Variants in MYO5B observed in about 807,000 individuals in gnomAD.
MYO5B encodes myosin VB.
Under a neutral mutation model 229.3 loss-of-function variants are expected in MYO5B, and 143 were observed. The ratio of observed to expected loss-of-function variants is 0.62; its 90% confidence interval spans 0.54 to 0.72. MYO5B has a LOEUF of 0.72. Ranked by LOEUF, MYO5B falls within the 30% of genes least tolerant of loss-of-function variation. MYO5B has a pLI of 0.00. For missense variants in MYO5B, 2,321 were observed against 2,331.0 expected, an observed-to-expected ratio of 1.00 and a Z score of 0.09; for synonymous variants, 918 against 885.2, an observed-to-expected ratio of 1.04 and a Z score of -0.66.
chr18:49,885,510 T>C (rs1568626314), intron 22 of MYO5B, among the ~76,000 whole-genome samples: 2 of 152,134 alleles, frequency 1.3e-5, no homozygotes. Flanking sequence ...CCTAGGGATA[T>C]GGACTAAACC....
At chr18:50,103,100 C>T (rs2031686498) in intron 1 of MYO5B, among the ~76,000 whole-genome samples, 1 of 152,258 alleles carries the variant, frequency 6.6e-6, no homozygotes, top group Non-Finnish European at 1.5e-5. Context: ...TGGCTACAGG[C>T]TCACCTTGGG....
intron 2 of MYO5B, among the ~76,000 whole-genome samples, chr18:50,040,746 T>C (rs2029989233): frequency 6.6e-6 from 1 of 152,208 alleles, no homozygotes; most frequent in Admixed American, 6.5e-5. Flanking sequence ...AACTGCCCTC[T>C]ATAAGCGGCC....
intron 5 of MYO5B, among the ~76,000 whole-genome samples, chr18:49,994,131 T>C (rs1301570080): frequency 6.6e-6 from 1 of 152,174 alleles, no homozygotes; most frequent in Non-Finnish European, 1.5e-5. Flanking sequence ...CAAGCAAGCC[T>C]TCCCTGATCC....
intron 39 of MYO5B, among the ~76,000 whole-genome samples, chr18:49,831,480 G>A (rs1005114487): frequency 6.6e-6 from 1 of 152,150 alleles, no homozygotes; most frequent in South Asian, 2.1e-4. Context: ...TTTCTCCAGA[G>A]AAGATATATA....
At position 50,003,131 on chromosome 18, in the gene MYO5B, A is replaced by G. The variant is rs375136258; in HGVS notation, c.456-1720T>C. Among the ~76,000 whole-genome samples the G allele has an allele frequency of 4.6e-5, 7 of 152,336 alleles. No individual in the cohort carries two copies. In the East Asian group the frequency reaches 9.6e-4, roughly 21 times the overall value. On this transcript the variant is annotated intron_variant, in intron 4 of 39. Transcript: ENST00000285039. ...AGAGTCATGAGGTAGCTGAGATGAAAAAATCCTTCACTATGAGCTGCTCTT... is the reference window on the plus strand; with the variant it reads ...AGAGTCATGAGGTAGCTGAGATGAAGAAATCCTTCACTATGAGCTGCTCTT...
intron 7 of MYO5B, among the ~76,000 whole-genome samples, chr18:49,988,278 C>G (rs1240553978): frequency 2.6e-5 from 4 of 152,188 alleles, no homozygotes; most frequent in African/African-American, 9.7e-5. Context: ...GACCTAAATG[C>G]CAAGCTTCAG....
intron 11 of MYO5B, 66 bp from the exon 12 acceptor site, chr18:49,962,472 G>A (rs757885189): frequency 1.3e-5 from 21 of 1,604,254 alleles, no homozygotes; most frequent in Non-Finnish European, 1.8e-5. Context: ...CTCCCCCAGG[G>A]GCTCAGTGAG....
chr18:49,971,080 C>A (rs2025686472), intron 10 of MYO5B: 1 of 152,270 alleles, frequency 6.6e-6, no homozygotes, highest in African/African-American at 2.4e-5. Context: ...GACAGATGGT[C>A]TTCTCCTCCA....
chr18:49,838,909 T>C (rs777349690), intron 36 of MYO5B, among the ~76,000 whole-genome samples: 9 of 152,186 alleles, frequency 5.9e-5, no homozygotes, highest in Non-Finnish European at 1.3e-4. Context: ...ATACAACATA[T>C]TACAGAAAAA....
At chr18:49,904,638 C>G (rs1389984864) in intron 20 of MYO5B, 34 bp downstream of exon 20, 1 of 1,613,838 alleles carries the variant, frequency 6.2e-7, no homozygotes, top group Admixed American at 1.7e-5. Flanking sequence ...AGTTCTGAAT[C>G]TGCAGCCCTG....
At chr18:50,037,196 TACACACATACAC>T (rs2026458350) in intron 3 of MYO5B, among the ~76,000 whole-genome samples, 1 of 150,356 alleles carries the variant, frequency 6.7e-6, no homozygotes, top group African/African-American at 2.5e-5. Flanking sequence ...GGAATAAGCA[TACACACATACAC>T]ACACACAAAC....
At chr18:49,933,960 CA>C (rs2025222310) in intron 16 of MYO5B, among the ~76,000 whole-genome samples, 1 of 152,164 alleles carries the variant, frequency 6.6e-6, no homozygotes, top group Non-Finnish European at 1.5e-5. Context: ...ACTGCAGCCT[CA>C]AACTCCTGGG....
At chr18:49,840,881 G>A (rs1372449677) in intron 35 of MYO5B, among the ~76,000 whole-genome samples, 2 of 152,210 alleles carry the variant, frequency 1.3e-5, no homozygotes, top group African/African-American at 4.8e-5. Context: ...GGGCCTCCAG[G>A]TCAGTTTGCA....
Position 49,906,461 on chromosome 18 carries a change from G to T in MYO5B, c.2372C>A (p.Thr791Asn), listed in dbSNP as rs781489880. 1 of 1,614,156 alleles carries T rather than the reference G, an allele frequency of 6.2e-7. No individual in the cohort carries two copies. Among genetic ancestry groups the T allele is most frequent in the Middle Eastern group, 1.6e-4 (1 of 6,062 alleles). The change falls in exon 19 of 40, where the codon ACC (threonine) becomes AAC (asparagine). Residue 791 changes from threonine to asparagine, a missense_variant. By Grantham distance (65) the Thr-to-Asn change is moderately conservative. Coordinates refer to ENST00000285039, the MANE Select transcript of MYO5B (RefSeq NM_001080467.3). The part of the protein sequence containing the change: ...KVKYHRLKGA[T>N]LTLQRYCRGH... ...CCGGCAGTACCTCTGCAGGGTTAAG[G>T]TAGCCCCCTTCAGCCTGTGATATTT...
chr18:49,838,854 T>A (rs2024021940), intron 36 of MYO5B, among the ~76,000 whole-genome samples: 1 of 152,236 alleles, frequency 6.6e-6, no homozygotes, highest in Non-Finnish European at 1.5e-5. Context: ...TATGCATTTG[T>A]ACCTTTTGAG....
At chr18:49,957,054 G>C (rs2025500363) in intron 12 of MYO5B, among the ~76,000 whole-genome samples, 1 of 144,296 alleles carries the variant, frequency 6.9e-6, no homozygotes, top group African/African-American at 2.6e-5. Context: ...TTAAATGGGT[G>C]AATTGTATGG....
chr18:49,897,339 T>G (rs1568022350), intron 21 of MYO5B, among the ~76,000 whole-genome samples: 2 of 152,144 alleles, frequency 1.3e-5, no homozygotes, highest in Non-Finnish European at 2.9e-5. Context: ...GAACAAGATA[T>G]GGAGGTGGAA....
intron 21 of MYO5B, among the ~76,000 whole-genome samples, chr18:49,895,534 C>G (rs2024768779): frequency 1.3e-5 from 2 of 150,758 alleles, no homozygotes; most frequent in African/African-American, 5.0e-5. Context: ...GGGTTTGCAG[C>G]CTTCACTTTT....
At chr18:50,091,713 C>T (rs1023387616) in intron 1 of MYO5B, among the ~76,000 whole-genome samples, 3 of 152,182 alleles carry the variant, frequency 2.0e-5, no homozygotes, top group South Asian at 2.1e-4. Flanking sequence ...CACCACCACA[C>T]CCTGTTACAT....
Sources: allele counts gnomAD v4.1 joint callset (sites outside exome capture counted in the v4.1 genomes callset), GRCh38; gene constraint gnomAD v4.1.1; transcripts MANE v1.5; gene names NCBI Gene and HGNC (gene_info 2026-07-23, HGNC 2026-07-21).